The following BMP3 variants were observed in gnomAD, a reference collection of about 807,000 sequenced individuals.
The protein encoded by BMP3 is bone morphogenetic protein 3.
Under a neutral mutation model 38.1 loss-of-function variants are expected in BMP3, and 23 were observed. The observed-to-expected ratio is 0.60, with a 90% CI of 0.43 to 0.86. The LOEUF is 0.86. Ranked by LOEUF, BMP3 falls within the 40% of genes least tolerant of loss-of-function variation. The probability of loss-of-function intolerance (pLI) is 0.00; values close to 1 mark genes in which losing one functional copy is unlikely to be tolerated. For missense variants in BMP3, 628 were observed against 579.6 expected (o/e 1.08, Z -0.86); for synonymous variants, 258 against 225.7 (o/e 1.14, Z -1.28).
chr4:81,051,972 C>A (rs1246552465), intron 2 of BMP3, among the ~76,000 whole-genome samples: 1 of 151,676 alleles, frequency 6.6e-6, no homozygotes, highest in Admixed American at 6.6e-5. Flanking sequence ...TGAGATTTAA[C>A]CTTTCTCTGC....
chr4:81,049,827 G>C (rs1179316954), intron 2 of BMP3, among the ~76,000 whole-genome samples: 1 of 152,156 alleles, frequency 6.6e-6, no homozygotes, highest in Non-Finnish European at 1.5e-5. Flanking sequence ...AAGGCCACTG[G>C]TCAGATCAGT....
rs1203193530 is a variant in BMP3 at position 81,041,566 on chromosome 4, G to A, written c.317-4172G>A. ...CATCAAGTGTTGGGCATAACATAATGCCTTTGGTTAGCCTTCAGATTGGCC... is the reference window on the plus strand; with the variant it reads ...CATCAAGTGTTGGGCATAACATAATACCTTTGGTTAGCCTTCAGATTGGCC... On this transcript the variant is annotated intron_variant, in intron 1 of 2. Coordinates refer to ENST00000282701, the MANE Select transcript of BMP3 (RefSeq NM_001201.5). 2.0e-5 allele frequency among the ~76,000 whole-genome samples: 3 copies of A among 152,162 alleles called. No homozygotes were observed. The East Asian group carries it at 5.8e-4, about 29-fold the overall frequency.
chr4:81,048,598 A>G (rs372505353), intron 2 of BMP3, among the ~76,000 whole-genome samples: 24 of 152,258 alleles, frequency 1.6e-4, no homozygotes, highest in African/African-American at 5.8e-4. Context: ...TATTGGTTCT[A>G]CCTGCTTTTA....
chr4:81,034,625 C>G (rs1420165324), intron 1 of BMP3, among the ~76,000 whole-genome samples: 1 of 152,160 alleles, frequency 6.6e-6, no homozygotes, highest in African/African-American at 2.4e-5. Context: ...ATGACATGCA[C>G]CCACCAAAAT....
Position 81,031,072 on chromosome 4 carries a change from T to A in BMP3, c.-213T>A. On this transcript the variant is annotated 5_prime_UTR_variant, in exon 1 of 3. Coordinates refer to ENST00000282701, the MANE Select transcript of BMP3 (RefSeq NM_001201.5). ...CCTGCGCGGGTGAGGTCCGCGCAGC[T>A]GCTGGGGAAGAGCCCACCTGTCAGG... The A allele has an allele frequency of 1.8e-6, 1 of 563,700 alleles. No homozygotes were observed. Among genetic ancestry groups the A allele is most frequent in the Non-Finnish European group, 3.1e-6 (1 of 327,794 alleles). 34.9% of individuals were successfully genotyped at this position (563,700 alleles called of 1,614,324 possible).
chr4:81,035,464 G>A (rs72868585), intron 1 of BMP3, among the ~76,000 whole-genome samples: 8,086 of 152,032 alleles, frequency 0.053, 291 homozygotes, highest in African/African-American at 0.1. Flanking sequence ...GTGGAAGCTC[G>A]TAAGCATTTG....
chr4:81,031,653 C>T (rs1739775105), intron 1 of BMP3, 53 bp downstream of exon 1: 34 of 1,485,544 alleles, frequency 2.3e-5, no homozygotes, highest in Middle Eastern at 1.8e-4. Context: ...AGCTTTCTCC[C>T]GGGACCCCCC....
At chr4:81,049,636 C>T (rs190902825) in intron 2 of BMP3, among the ~76,000 whole-genome samples, 296 of 152,240 alleles carry the variant, frequency 1.9e-3, no homozygotes, top group African/African-American at 7.0e-3. Flanking sequence ...TCCCTTTAAG[C>T]CTTCCACGCC....
At position 81,046,406 on chromosome 4, in the gene BMP3, C is replaced by T. The variant is rs781758330; in HGVS notation, c.985C>T (p.Pro329Ser). 1.2e-6 allele frequency: 2 copies of T among 1,613,754 alleles called. No homozygotes were observed. Among genetic ancestry groups the T allele is most frequent in the South Asian group, 2.2e-5 (2 of 91,074 alleles). ...KPYKTLQAQA[P>S]EKSKNKKKQR... ...TTACAAGACCCTTCAGGCTCAGGCCCCTGAAAAGAGTAAGAATAAAAAGAA... is the reference window on the plus strand; with the variant it reads ...TTACAAGACCCTTCAGGCTCAGGCCTCTGAAAAGAGTAAGAATAAAAAGAA... Residue 329 changes from proline (P) to serine (S), a missense_variant, in exon 2 of 3, where the codon CCT becomes TCT. By Grantham distance (74) the Pro-to-Ser change is moderately conservative. Transcript: ENST00000282701.
intron 1 of BMP3, among the ~76,000 whole-genome samples, chr4:81,038,305 T>C (rs1382710493): frequency 6.6e-6 from 1 of 152,168 alleles, no homozygotes; most frequent in Non-Finnish European, 1.5e-5. Context: ...ATATAATAAA[T>C]TTGCTAGAAG....
chr4:81,040,239 C>G (rs1740033763), intron 1 of BMP3, among the ~76,000 whole-genome samples: 1 of 152,178 alleles, frequency 6.6e-6, no homozygotes, highest in Admixed American at 6.5e-5. Context: ...GAAAATAGCA[C>G]CACCTATTGG....
intron 2 of BMP3, among the ~76,000 whole-genome samples, chr4:81,048,304 A>G (rs1239608124): frequency 2.0e-5 from 3 of 152,246 alleles, no homozygotes; most frequent in South Asian, 2.1e-4. Context: ...GCCTTGTGGC[A>G]TTGAGAGGCA....
rs1240760186 is a variant in BMP3 at position 81,055,326 on chromosome 4, A to G, written c.*1790A>G. 1.3e-5 allele frequency: 2 copies of G among 152,110 alleles called. No individual in the cohort carries two copies. Among genetic ancestry groups the G allele is most frequent in the African/African-American group, 2.4e-5 (1 of 41,432 alleles). The allele number at this position is 152,110 out of a possible 1,614,324, so 9.4% of individuals were successfully genotyped here. A position where few individuals can be genotyped will look rare whatever the true frequency, so the allele number is the denominator to read the frequency against. ...AACTCATGAAAAGAAGCTCTTTGAC[A>G]CCTTGGGGTACACAAATGTTGGTGT... On this transcript the variant is annotated 3_prime_UTR_variant, in exon 3 of 3. Coordinates refer to ENST00000282701, the MANE Select transcript of BMP3 (RefSeq NM_001201.5).
At position 81,031,545 on chromosome 4, in the gene BMP3, C is replaced by T; in HGVS notation, c.261C>T (p.Arg87=). Residue 87 remains arginine, a synonymous_variant, in exon 1 of 3, where the codon CGC becomes CGT. Transcript: ENST00000282701. ...TGGAGGGAGGCTCGCAGCCCTGGCG[C>T]CCTCGGCTCCTGCGCGAAGGCAACA... is the stretch of plus-strand genomic sequence containing the variant. ...GSLEGGSQPW[R]PRLLREGNTV... The T allele has an allele frequency of 1.9e-6, 3 of 1,611,026 alleles. No individual in the cohort carries two copies. The highest frequency in any genetic ancestry group is 2.5e-6 in the Non-Finnish European group (3 of 1,179,074).
At chr4:81,047,390 C>T (rs923666350) in intron 2 of BMP3, among the ~76,000 whole-genome samples, 2 of 152,240 alleles carry the variant, frequency 1.3e-5, no homozygotes, top group South Asian at 4.1e-4. Context: ...CCAACCCCCA[C>T]CTCCAACTTG....
At chr4:81,032,206 A>AAAAAAAAAAC (rs1560509318) in intron 1 of BMP3, among the ~76,000 whole-genome samples, 5 of 149,762 alleles carry the variant, frequency 3.3e-5, no homozygotes, top group African/African-American at 1.2e-4. Flanking sequence ...AAAAAAAAAA[A>AAAAAAAAAAC]AAAAAAAAAA....
chr4:81,041,473 A>G (rs996675756), intron 1 of BMP3, among the ~76,000 whole-genome samples: 3 of 152,122 alleles, frequency 2.0e-5, no homozygotes, highest in Non-Finnish European at 4.4e-5. Context: ...TTTTTTTTAA[A>G]CCCAGGAGGG....
chr4:81,053,752 G>T lies in BMP3; in HGVS notation c.*216G>T. The T allele has an allele frequency of 2.9e-6, 1 of 339,538 alleles. No individual in the cohort carries two copies. Among genetic ancestry groups the T allele is most frequent in the Non-Finnish European group, 5.3e-6 (1 of 189,576 alleles). The allele number at this position is 339,538 out of a possible 1,614,324, so 21.0% of individuals were successfully genotyped here. On this transcript the variant is annotated 3_prime_UTR_variant, in exon 3 of 3. Coordinates refer to ENST00000282701, the MANE Select transcript of BMP3 (RefSeq NM_001201.5). ...AATGTAACTTAAAGCAAGATTTTTA[G>T]TAAATATGGACATCTATTTCTCTTT...
intron 1 of BMP3, among the ~76,000 whole-genome samples, chr4:81,035,881 A>G (rs893816977): frequency 1.3e-5 from 2 of 152,090 alleles, no homozygotes; most frequent in South Asian, 4.1e-4. Context: ...TGGAGAAAGC[A>G]TTTTACAGAA....
Sources: gnomAD v4.1 joint callset for allele counts (sites outside exome capture counted in the v4.1 genomes callset) on GRCh38, gnomAD v4.1.1 for gene constraint, MANE v1.5 for transcripts, NCBI Gene and HGNC (gene_info 2026-07-23, HGNC 2026-07-21) for gene names.